Variants in GPR158 observed in about 807,000 individuals in gnomAD.
The protein encoded by GPR158 is metabotropic glycine receptor.
Under a neutral mutation model 78.2 loss-of-function variants are expected in GPR158, and 30 were observed. The observed-to-expected ratio is 0.38, with a 90% CI of 0.29 to 0.52. GPR158 has a LOEUF of 0.52. Ranked by LOEUF, GPR158 falls within the 20% of genes least tolerant of loss-of-function variation. The pLI is 0.83. For missense variants in GPR158, 1,463 were observed against 1,523.5 expected, an observed-to-expected ratio of 0.96 and a Z score of 0.66; for synonymous variants, 581 against 591.1, an observed-to-expected ratio of 0.98 and a Z score of 0.25.
At chr10:25,423,120 C>CGTGT (rs1416897016) in intron 4 of GPR158, among the ~76,000 whole-genome samples, 1 of 147,486 alleles carries the variant, frequency 6.8e-6, no homozygotes, top group Non-Finnish European at 1.5e-5. Context: ...CACATATATA[C>CGTGT]ATATATATGT....
Position 25,430,225 on chromosome 10 carries a change from A to G in GPR158, c.1335+17752A>G, listed in dbSNP as rs1834881719. ...ATTCTTATACACCAATAACAGACAAACAGAGAGCCAAATCATGAGTGAACT... is the reference window on the plus strand; with the variant it reads ...ATTCTTATACACCAATAACAGACAAGCAGAGAGCCAAATCATGAGTGAACT... On this transcript the variant is annotated intron_variant, in intron 4 of 10. Transcript: ENST00000376351. Among the ~76,000 whole-genome samples the G allele has an allele frequency of 2.6e-5, 4 of 152,062 alleles. No homozygotes were observed. The South Asian group carries it at 8.3e-4, about 32-fold the overall frequency.
At chr10:25,517,337 T>C (rs2130677300) in intron 5 of GPR158, among the ~76,000 whole-genome samples, 1 of 152,178 alleles carries the variant, frequency 6.6e-6, no homozygotes, top group South Asian at 2.1e-4. Context: ...TTTGACTTCC[T>C]CTTTTCCTAA....
chr10:25,341,682 G>A (rs367850739), intron 2 of GPR158, among the ~76,000 whole-genome samples: 2 of 151,718 alleles, frequency 1.3e-5, no homozygotes, highest in East Asian at 3.9e-4. Context: ...CAAATCATTC[G>A]TCTCTCCTTC....
chr10:25,284,637 T>C (rs1170803499), intron 2 of GPR158, among the ~76,000 whole-genome samples: 1 of 151,952 alleles, frequency 6.6e-6, no homozygotes, highest in Non-Finnish European at 1.5e-5. Flanking sequence ...AATGATATGC[T>C]TGGATTAAAA....
At chr10:25,521,399 G>A (rs1836271113) in intron 5 of GPR158, among the ~76,000 whole-genome samples, 1 of 152,096 alleles carries the variant, frequency 6.6e-6, no homozygotes, top group South Asian at 2.1e-4. Context: ...CTCCTCTATT[G>A]TTATCTATTT....
intron 2 of GPR158, among the ~76,000 whole-genome samples, chr10:25,354,256 G>A (rs1240604371): frequency 6.6e-6 from 1 of 151,776 alleles, no homozygotes; most frequent in Non-Finnish European, 1.5e-5. Context: ...CTAGGAGGCT[G>A]AGGCAGGAGA....
chr10:25,528,391 T>C lies in GPR158; in HGVS notation c.1405-22585T>C, dbSNP rs533724348. On this transcript the variant is annotated intron_variant, in intron 5 of 10. Transcript: ENST00000376351. Reference sequence around the variant, plus strand: ...GGGAAGCACTAAAATATTTTTAAAATATACATACAACATAATTGGGTACAT... The same window carrying C: ...GGGAAGCACTAAAATATTTTTAAAACATACATACAACATAATTGGGTACAT... 9.2e-5 allele frequency among the ~76,000 whole-genome samples: 14 copies of C among 152,130 alleles called. No individual in the cohort carries two copies. In the South Asian group the frequency reaches 2.7e-3, roughly 29 times the overall value.
At chr10:25,306,129 G>A (rs1854673604) in intron 2 of GPR158, among the ~76,000 whole-genome samples, 1 of 151,886 alleles carries the variant, frequency 6.6e-6, no homozygotes, top group Non-Finnish European at 1.5e-5. Flanking sequence ...CTCTTCTCTT[G>A]CTAATCTGTT....
chr10:25,441,607 TAAG>T (rs1222017475), intron 4 of GPR158, among the ~76,000 whole-genome samples: 10 of 152,354 alleles, frequency 6.6e-5, no homozygotes, highest in East Asian at 3.9e-4. Context: ...TCTCAGACCT[TAAG>T]AAGAAGAGTT....
chr10:25,353,820 C>A (rs1297364722), intron 2 of GPR158, among the ~76,000 whole-genome samples: 1 of 152,018 alleles, frequency 6.6e-6, no homozygotes, highest in Admixed American at 6.6e-5. Flanking sequence ...CCACTGTAAA[C>A]CTTGTAATTG....
At chr10:25,382,279 A>G (rs1168975252) in intron 2 of GPR158, among the ~76,000 whole-genome samples, 1 of 152,220 alleles carries the variant, frequency 6.6e-6, no homozygotes, top group Non-Finnish European at 1.5e-5. Context: ...CTCAGCCCCC[A>G]CAAGGCATCT....
chr10:25,530,317 A>G (rs1836407380), intron 5 of GPR158, among the ~76,000 whole-genome samples: 1 of 152,216 alleles, frequency 6.6e-6, no homozygotes, highest in Non-Finnish European at 1.5e-5. Flanking sequence ...AGAAGGCGGT[A>G]GTCACTCAGT....
chr10:25,219,876 T>C (rs1853274951), intron 1 of GPR158, among the ~76,000 whole-genome samples: 1 of 152,210 alleles, frequency 6.6e-6, no homozygotes. Flanking sequence ...AGAGGTGATT[T>C]TGTTTTGGCA....
chr10:25,263,273 G>A lies in GPR158; in HGVS notation c.1008+42116G>A, dbSNP rs184037984. ...AGGATGTCCAGTTGTTCCCAGCACC[G>A]TTTTTTGAAAAGCCTGCTTTTCTTT... On this transcript the variant is annotated intron_variant, in intron 2 of 10. Transcript: ENST00000376351. Among the ~76,000 whole-genome samples, 38 of 152,172 alleles carry A rather than the reference G, an allele frequency of 2.5e-4. No homozygotes were observed. In the East Asian group the frequency reaches 3.1e-3, roughly 12 times the overall value.
chr10:25,538,179 A>C (rs1360297811), intron 5 of GPR158, among the ~76,000 whole-genome samples: 1 of 152,174 alleles, frequency 6.6e-6, no homozygotes, highest in Non-Finnish European at 1.5e-5. Context: ...GAGAGAAAAC[A>C]AGAAGCCAAA....
chr10:25,261,254 A>G (rs1212370524), intron 2 of GPR158, among the ~76,000 whole-genome samples: 2 of 152,134 alleles, frequency 1.3e-5, no homozygotes, highest in South Asian at 2.1e-4. Context: ...ATTCATGTCT[A>G]TTCGAGTTCA....
At chr10:25,397,269 A>G (rs1326243062) in intron 3 of GPR158, among the ~76,000 whole-genome samples, 2 of 152,228 alleles carry the variant, frequency 1.3e-5, no homozygotes, top group Non-Finnish European at 1.5e-5. Context: ...TTACAATTCA[A>G]GTATTGAGTA....
At chr10:25,402,778 A>T (rs1401540313) in intron 3 of GPR158, among the ~76,000 whole-genome samples, 1 of 151,746 alleles carries the variant, frequency 6.6e-6, no homozygotes, top group East Asian at 1.9e-4. Context: ...AACTTTCAGA[A>T]TATCTGTTTA....
chr10:25,344,416 T>TTG (rs1373997430), intron 2 of GPR158, among the ~76,000 whole-genome samples: 9 of 151,920 alleles, frequency 5.9e-5, no homozygotes, highest in East Asian at 3.9e-4. Flanking sequence ...ACACTTAAAA[T>TTG]CTACTCTCTT....
Sources: gnomAD v4.1 joint callset for allele counts (sites outside exome capture counted in the v4.1 genomes callset) on GRCh38, gnomAD v4.1.1 for gene constraint, MANE v1.5 for transcripts, NCBI Gene and HGNC (gene_info 2026-07-23, HGNC 2026-07-21) for gene names.